The following UBXN4 variants were observed in gnomAD, a reference collection of about 807,000 sequenced individuals.
The protein encoded by UBXN4 is UBX domain-containing protein 4.
Under a neutral mutation model 66.2 loss-of-function variants are expected in UBXN4, and 35 were observed. The ratio of observed to expected loss-of-function variants is 0.53; its 90% CI spans 0.40 to 0.70. The LOEUF is 0.70. Ranked by LOEUF, UBXN4 falls within the 30% of genes least tolerant of loss-of-function variation. The pLI, the probability that UBXN4 is intolerant of heterozygous loss-of-function variation, is 0.00. For missense variants in UBXN4, 533 were observed against 599.8 expected, an observed-to-expected ratio of 0.89 and a Z score of 1.16; for synonymous variants, 203 against 204.5, an observed-to-expected ratio of 0.99 and a Z score of 0.06.
intron 4 of UBXN4, among the ~76,000 whole-genome samples, chr2:135,754,560 T>G (rs2077268036): frequency 6.6e-6 from 1 of 151,964 alleles, no homozygotes; most frequent in African/African-American, 2.4e-5. Context: ...TGACCTCAGG[T>G]GATCTGCCCG....
At chr2:135,746,089 G>A (rs868582674) in intron 1 of UBXN4, among the ~76,000 whole-genome samples, 7 of 151,898 alleles carry the variant, frequency 4.6e-5, no homozygotes, top group Admixed American at 2.6e-4. Flanking sequence ...TGTTGGCCGG[G>A]ATGATCTAGA....
chr2:135,751,890 G>C (rs16831992), intron 2 of UBXN4, among the ~76,000 whole-genome samples: 9,102 of 151,996 alleles, frequency 0.06, 482 homozygotes, highest in African/African-American at 0.13. Flanking sequence ...ACATTGATGA[G>C]TATCTCTTAC....
At chr2:135,762,411 A>T (rs1460366469) in intron 6 of UBXN4, among the ~76,000 whole-genome samples, 6 of 152,196 alleles carry the variant, frequency 3.9e-5, no homozygotes, top group African/African-American at 1.4e-4. Flanking sequence ...TTATGCTGTG[A>T]TTCCTACATG....
At chr2:135,780,157 A>C in intron 11 of UBXN4, 26 bp from the exon 12 acceptor site, 1 of 1,610,680 alleles carries the variant, frequency 6.2e-7, no homozygotes. Context: ...CGTAGTCTTT[A>C]TCTAGGTTTG....
intron 3 of UBXN4, 44 bp downstream of exon 3, chr2:135,753,611 A>G: frequency 7.1e-7 from 1 of 1,405,340 alleles, no homozygotes; most frequent in Non-Finnish European, 9.5e-7. Flanking sequence ...ACATTTATTT[A>G]CCTTCCTTTT....
At chr2:135,762,459 C>T (rs371752953) in intron 6 of UBXN4, among the ~76,000 whole-genome samples, 1 of 151,942 alleles carries the variant, frequency 6.6e-6, no homozygotes, top group Non-Finnish European at 1.5e-5. Flanking sequence ...TATTTTAAAC[C>T]CTGATTTAAA....
chr2:135,762,681 T>C (rs2077322822), intron 6 of UBXN4, among the ~76,000 whole-genome samples: 1 of 152,206 alleles, frequency 6.6e-6, no homozygotes, highest in Non-Finnish European at 1.5e-5. Flanking sequence ...AGATTCTGAT[T>C]GTTCTTTGTA....
intron 5 of UBXN4, among the ~76,000 whole-genome samples, chr2:135,756,232 T>C (rs899691211): frequency 4.6e-5 from 7 of 152,140 alleles, no homozygotes; most frequent in Non-Finnish European, 1.0e-4. Context: ...TGGTGTAATA[T>C]AGCTTTGTAT....
chr2:135,779,198 A>G, intron 11 of UBXN4, 119 bp downstream of exon 11: 1 of 1,079,144 alleles, frequency 9.3e-7, no homozygotes, highest in Non-Finnish European at 1.2e-6. Flanking sequence ...TTAAAATTCA[A>G]GTGATCCAAT....
At chr2:135,780,020 T>G in intron 11 of UBXN4, 163 bp from the exon 12 acceptor site, 1 of 594,032 alleles carries the variant, frequency 1.7e-6, no homozygotes, top group Non-Finnish European at 2.9e-6. Context: ...TCTTCAGAAG[T>G]TTATATATAC....
chr2:135,742,100 C>T, intron 1 of UBXN4, 89 bp downstream of exon 1: 6 of 1,446,914 alleles, frequency 4.1e-6, no homozygotes, highest in Non-Finnish European at 5.6e-6. Context: ...GGCCCGCCCT[C>T]CCCGAGACGC....
intron 11 of UBXN4, among the ~76,000 whole-genome samples, chr2:135,779,721 A>G (rs1256547305): frequency 6.6e-6 from 1 of 151,350 alleles, no homozygotes; most frequent in South Asian, 2.1e-4. Context: ...TAGTTGGCTC[A>G]TTTCACTGAG....
chr2:135,773,945 A>G (rs1362499182), intron 9 of UBXN4, among the ~76,000 whole-genome samples: 2 of 152,220 alleles, frequency 1.3e-5, no homozygotes, highest in African/African-American at 2.4e-5. Flanking sequence ...TAAGATGATA[A>G]TCCTCCCTAA....
In UBXN4 at chr2:135,762,815, T is replaced by G. The variant is rs575977033; in HGVS notation, c.602+904T>G. On this transcript the variant is annotated intron_variant, in intron 6 of 12. Transcript: ENST00000272638. ...TTAAGTTCCCAAGGGTTCATCCTGT[T>G]TTGCTTCTTTCTGATTTGCTAACAC... Among the ~76,000 whole-genome samples, 25 of 152,210 alleles carry G rather than the reference T, an allele frequency of 1.6e-4. No homozygotes were observed. In the South Asian group the frequency reaches 5.2e-3, roughly 32 times the overall value.
Position 135,784,287 on chromosome 2 carries a change from A to G in UBXN4, c.*1400A>G, listed in dbSNP as rs1338218732. On this transcript the variant is annotated 3_prime_UTR_variant, in exon 13 of 13. Coordinates refer to ENST00000272638, the MANE Select transcript of UBXN4 (RefSeq NM_014607.4). ...GAAACCAACTAAATGCCTTCTATAG[A>G]AGTAATTTTTGATGAGGAGAAATGG... is the stretch of plus-strand genomic sequence containing the variant. 6.6e-6 allele frequency: 1 copy of G among 152,182 alleles called. No homozygotes were observed. Among genetic ancestry groups the G allele is most frequent in the Non-Finnish European group, 1.5e-5 (1 of 68,032 alleles). The allele number at this position is 152,182 out of a possible 1,614,324, so 9.4% of individuals were successfully genotyped here.
intron 1 of UBXN4, chr2:135,742,573 C>T (rs2077182606): frequency 6.6e-6 from 1 of 152,492 alleles, no homozygotes; most frequent in Non-Finnish European, 1.5e-5. Context: ...ACGCCCGTTT[C>T]GTTACTGCTG....
At chr2:135,771,337 TGTG>T (rs1350624628) in intron 8 of UBXN4, among the ~76,000 whole-genome samples, 1 of 151,600 alleles carries the variant, frequency 6.6e-6, no homozygotes, top group Non-Finnish European at 1.5e-5. Context: ...ATTAATCGGG[TGTG>T]GTGGTGGGCG....
intron 5 of UBXN4, among the ~76,000 whole-genome samples, chr2:135,757,050 C>T (rs1368413564): frequency 6.6e-6 from 1 of 152,046 alleles, no homozygotes; most frequent in Non-Finnish European, 1.5e-5. Flanking sequence ...TTGTATTTAT[C>T]CTGTGTTTGG....
At position 135,776,914 on chromosome 2, in the gene UBXN4, A is replaced by C. The variant is rs985667673; in HGVS notation, c.1053+563A>C. Among the ~76,000 whole-genome samples, 4 of 152,168 alleles carry C rather than the reference A, an allele frequency of 2.6e-5. No individual in the cohort carries two copies. The East Asian group carries it at 7.7e-4, about 29-fold the overall frequency. On this transcript the variant is annotated intron_variant, in intron 10 of 12. Coordinates refer to ENST00000272638, the MANE Select transcript of UBXN4 (RefSeq NM_014607.4). ...CAGCCACTGGGAACTTTTTTCACTG[A>C]TTAGTAGACTCATTGAAGGAGTGAC... is the stretch of plus-strand genomic sequence containing the variant.
Sources: allele counts gnomAD v4.1 joint callset (sites outside exome capture counted in the v4.1 genomes callset), GRCh38; gene constraint gnomAD v4.1.1; transcripts MANE v1.5; gene names NCBI Gene and HGNC (gene_info 2026-07-23, HGNC 2026-07-21).